Variants in SRCIN1 observed in about 807,000 individuals in gnomAD.
SRCIN1 encodes the protein SRC kinase signaling inhibitor 1.
SRCIN1 carries 50 observed loss-of-function variants against 116.2 expected under a neutral mutation model. The ratio of observed to expected loss-of-function variants is 0.43; its 90% CI spans 0.34 to 0.54. The LOEUF is 0.54. Ranked by LOEUF, SRCIN1 falls within the 20% of genes least tolerant of loss-of-function variation. SRCIN1 has a pLI of 0.02. For synonymous variants in SRCIN1, 736 were observed against 750.0 expected, an observed-to-expected ratio of 0.98 and a Z score of 0.30; for missense variants, 1,446 against 1,672.0, an observed-to-expected ratio of 0.86 and a Z score of 2.36.
chr17:38,584,056 C>T (rs891567260), intron 1 of SRCIN1, among the ~76,000 whole-genome samples: 3 of 152,178 alleles, frequency 2.0e-5, no homozygotes, highest in Admixed American at 1.3e-4. Context: ...GCCAGCCCTG[C>T]ACAGATCAAT....
rs1169542043 is a variant in SRCIN1 at position 38,604,622 on chromosome 17, G to A, written c.22+1062C>T. On this transcript the variant is annotated intron_variant, in intron 1 of 18. Transcript: ENST00000617146. This position sits in a 1 kb window ranked among gnomAD's most constrained non-coding sequence, Gnocchi z 4.3. The stretch of plus-strand genomic sequence containing the variant: ...CTGCATGGGGACGCGTGGGGCTGGG[G>A]GACGAGCACCAGCAGCCGCACACGC... 4.6e-6 allele frequency: 2 copies of A among 431,958 alleles called. No individual in the cohort carries two copies. Among genetic ancestry groups the A allele is most frequent in the South Asian group, 3.2e-5 (2 of 61,628 alleles). The allele number at this position is 431,958 out of a possible 1,614,324, so 26.8% of individuals were successfully genotyped here. A position where few individuals can be genotyped will look rare whatever the true frequency, so the allele number is the denominator to read the frequency against.
rs1909121004 is a variant in SRCIN1 at position 38,602,657 on chromosome 17, A to G, written c.22+3027T>C. The stretch of plus-strand genomic sequence containing the variant: ...TCAAGGACATAAATGAAGAAAGAAA[A>G]CAGATTTCCTTGCCAGGGCTTGGAG... On this transcript the variant is annotated intron_variant, in intron 1 of 18. Coordinates refer to ENST00000617146, the MANE Select transcript of SRCIN1 (RefSeq NM_025248.3). This position sits in a 1 kb window ranked among gnomAD's most constrained non-coding sequence, Gnocchi z 4.2. 1 of 152,210 alleles carries G rather than the reference A, an allele frequency of 6.6e-6. No individual in the cohort carries two copies. 9.4% of individuals were successfully genotyped at this position (152,210 alleles called of 1,614,324 possible).
intron 15 of SRCIN1, among the ~76,000 whole-genome samples, chr17:38,549,790 C>T (rs1905272492): frequency 6.6e-6 from 1 of 152,216 alleles, no homozygotes; most frequent in Admixed American, 6.5e-5. Flanking sequence ...CATGTCCAAG[C>T]TCCTTAGGCC....
intron 1 of SRCIN1, among the ~76,000 whole-genome samples, chr17:38,584,838 A>C (rs1908029808): frequency 6.6e-6 from 1 of 152,108 alleles, no homozygotes; most frequent in Non-Finnish European, 1.5e-5. Context: ...AAGGAGGAGA[A>C]CGGGGAGAGG....
At chr17:38,556,188 A>G (rs1256193083) in intron 11 of SRCIN1, among the ~76,000 whole-genome samples, 1 of 152,224 alleles carries the variant, frequency 6.6e-6, no homozygotes, top group Admixed American at 6.5e-5. Flanking sequence ...CCAATGCAAA[A>G]TGAAAATGTT....
In SRCIN1 at chr17:38,605,730, G is replaced by A. The variant is rs1340173853; in HGVS notation, c.-25C>T. On this transcript the variant is annotated 5_prime_UTR_variant, in exon 1 of 19. Coordinates refer to ENST00000617146, the MANE Select transcript of SRCIN1 (RefSeq NM_025248.3). The stretch of plus-strand genomic sequence containing the variant: ...TCGGGCGGGGGCGCGGGGGGCGGGG[G>A]CCCCGGGCCGGCCTGCCTGGCGCTC... 9.5e-6 allele frequency: 11 copies of A among 1,156,772 alleles called. No homozygotes were observed. Among genetic ancestry groups the A allele is most frequent in the Non-Finnish European group, 1.2e-5 (11 of 927,588 alleles). 71.7% of individuals were successfully genotyped at this position (1,156,772 alleles called of 1,614,324 possible). A position where few individuals can be genotyped will look rare whatever the true frequency, so the allele number is the denominator to read the frequency against.
chr17:38,565,356 A>G (rs1906614238), intron 3 of SRCIN1, among the ~76,000 whole-genome samples: 1 of 152,232 alleles, frequency 6.6e-6, no homozygotes, highest in Non-Finnish European at 1.5e-5. Flanking sequence ...TTATATACAT[A>G]TATGTATTAC....
chr17:38,589,706 C>T (rs775596191), intron 1 of SRCIN1, among the ~76,000 whole-genome samples: 1 of 152,176 alleles, frequency 6.6e-6, no homozygotes, highest in Non-Finnish European at 1.5e-5. Flanking sequence ...GAGCCTCTGC[C>T]CAGCTTCCAG....
At position 38,593,451 on chromosome 17, in the gene SRCIN1, G is replaced by A. The variant is rs149391851; in HGVS notation, c.22+12233C>T. 1.4e-4 allele frequency among the ~76,000 whole-genome samples: 21 copies of A among 152,180 alleles called. No homozygotes were observed. In the East Asian group the frequency reaches 3.1e-3, roughly 23 times the overall value. ...GCAAGACCCATACAAAGCTTCAGGT[G>A]AAGGCGGAGGGGAAGGGAGGGTGTA... On this transcript the variant is annotated intron_variant, in intron 1 of 18. Coordinates refer to ENST00000617146, the MANE Select transcript of SRCIN1 (RefSeq NM_025248.3).
Position 38,562,732 on chromosome 17 carries a change from G to T in SRCIN1, c.834+95C>A. On this transcript the variant is annotated intron_variant, in intron 6 of 18. Coordinates refer to ENST00000617146, the MANE Select transcript of SRCIN1 (RefSeq NM_025248.3). The surrounding 1 kb of genome is among the most constrained non-coding windows in gnomAD (Gnocchi z 4.2). ...CAGCCCCTATGCTGTCTTCTCCAAA[G>T]CTGGCCCTGGTTCCAGATGACAACT... 2.7e-6 allele frequency: 3 copies of T among 1,104,862 alleles called. No individual in the cohort carries two copies. Among genetic ancestry groups the T allele is most frequent in the Non-Finnish European group, 2.7e-6 (2 of 753,120 alleles). The allele number at this position is 1,104,862 out of a possible 1,614,324, so 68.4% of individuals were successfully genotyped here.
At chr17:38,550,580 G>C (rs372781491) in intron 15 of SRCIN1, among the ~76,000 whole-genome samples, 173 of 152,310 alleles carry the variant, frequency 1.1e-3, no homozygotes, top group African/African-American at 3.9e-3. Flanking sequence ...CACAGAGTAA[G>C]TGCTTGATAA....
intron 3 of SRCIN1, among the ~76,000 whole-genome samples, chr17:38,565,835 G>C (rs1432616027): frequency 1.3e-5 from 2 of 152,152 alleles, no homozygotes; most frequent in Non-Finnish European, 2.9e-5. Context: ...TTGACCACTG[G>C]GTGGGTGTGG....
Position 38,551,241 on chromosome 17 carries a change from G to A in SRCIN1, c.2876C>T (p.Ala959Val). The change falls in exon 15 of 19, where the codon GCC becomes GTC. Residue 959 changes from alanine (A) to valine (V), a missense_variant. Physicochemically the swap from Ala to Val is moderately conservative, Grantham distance 64 (BLOSUM62 0). This residue lies in a region of SRCIN1 where 531 missense variants were observed against 633.9 expected (regional missense o/e 0.84). Coordinates refer to ENST00000617146, the MANE Select transcript of SRCIN1 (RefSeq NM_025248.3). ...DCASKAHPGP[A>V]PTPDHKPPKA... ...GGGGGGCTTGTGATCTGGAGTGGGG[G>A]CCGGGCCTGGATGGGCCTTGCTGGC... 6.2e-7 allele frequency: 1 copy of A among 1,610,740 alleles called. No homozygotes were observed. Among genetic ancestry groups the A allele is most frequent in the East Asian group, 2.2e-5 (1 of 44,864 alleles).
intron 2 of SRCIN1, among the ~76,000 whole-genome samples, chr17:38,571,670 G>A (rs1907088853): frequency 6.6e-6 from 1 of 152,164 alleles, no homozygotes; most frequent in Non-Finnish European, 1.5e-5. Flanking sequence ...ACCCCGGCAG[G>A]GGCAACCACT....
At chr17:38,587,647 C>T (rs1469968546) in intron 1 of SRCIN1, among the ~76,000 whole-genome samples, 1 of 151,952 alleles carries the variant, frequency 6.6e-6, no homozygotes, top group Non-Finnish European at 1.5e-5. Context: ...CCTGGGGAGC[C>T]CCTCTCTAGG....
At position 38,559,757 on chromosome 17, in the gene SRCIN1, C is replaced by T. The variant is rs1438364229; in HGVS notation, c.1853G>A (p.Gly618Asp). ...CACCGGGGTGGCCCCGCTGCTCCGG[C>T]CGCCTGACCCACAGGCTGCAGAGGA... ...ATPSAPCGSG[G>D]RSSGATPVSG... is the part of the protein sequence containing the mutation. The change falls in exon 10 of 19, where the codon GGC (glycine) becomes GAC (aspartate). Residue 618 changes from glycine to aspartate, a missense_variant. Coordinates refer to ENST00000617146, the MANE Select transcript of SRCIN1 (RefSeq NM_025248.3). 6.6e-7 allele frequency: 1 copy of T among 1,519,888 alleles called. No homozygotes were observed. Among genetic ancestry groups the T allele is most frequent in the Middle Eastern group, 2.2e-4 (1 of 4,504 alleles). 94.2% of individuals were successfully genotyped at this position (1,519,888 alleles called of 1,614,324 possible). A position where few individuals can be genotyped will look rare whatever the true frequency, so the allele number is the denominator to read the frequency against.
rs1293645632 is a variant in SRCIN1, at chr17:38,559,746, C to G, written c.1864G>C (p.Gly622Arg). The change falls in exon 10 of 19, where the codon GGG (glycine) becomes CGG (arginine). Residue 622 changes from glycine to arginine, a missense_variant. By Grantham distance (125) the Gly-to-Arg change is moderately radical. Around this residue, in one of 5 missense-constraint regions of SRCIN1, gnomAD observed 398 missense variants for 385.6 expected, o/e 1.03. Transcript: ENST00000617146. ...GGCGGGCCGGACACCGGGGTGGCCC[C>G]GCTGCTCCGGCCGCCTGACCCACAG... Reference protein sequence around the residue: ...APCGSGGRSSGATPVSGPPPP... With the variant: ...APCGSGGRSSRATPVSGPPPP... The G allele has an allele frequency of 6.5e-7, 1 of 1,532,334 alleles. No homozygotes were observed. The highest frequency in any genetic ancestry group is 2.4e-5 in the East Asian group (1 of 42,548). The allele number at this position is 1,532,334 out of a possible 1,614,324, so 94.9% of individuals were successfully genotyped here. A position where few individuals can be genotyped will look rare whatever the true frequency, so the allele number is the denominator to read the frequency against.
chr17:38,580,790 G>A (rs568884955), intron 1 of SRCIN1, among the ~76,000 whole-genome samples: 1 of 152,316 alleles, frequency 6.6e-6, no homozygotes, highest in East Asian at 1.9e-4. Context: ...ATACATGAGA[G>A]ATGACTTTGG....
chr17:38,584,377 A>C (rs1472978277), intron 1 of SRCIN1, among the ~76,000 whole-genome samples: 1 of 152,234 alleles, frequency 6.6e-6, no homozygotes, highest in Non-Finnish European at 1.5e-5. Context: ...GCCACAGGGA[A>C]GATGCCAAGA....
Sources: allele counts gnomAD v4.1 joint callset (sites outside exome capture counted in the v4.1 genomes callset), GRCh38; gene constraint gnomAD v4.1.1; regional missense constraint gnomAD v4.1.1; non-coding constraint Gnocchi (gnomAD v3.1); transcripts MANE v1.5; gene names NCBI Gene and HGNC (gene_info 2026-07-23, HGNC 2026-07-21).